CDH18: variants seen among roughly 807,000 people sequenced by gnomAD.
The protein encoded by CDH18 is cadherin 18, also known as cadherin-18.
CDH18 carries 31 observed loss-of-function variants against 67.9 expected under a neutral mutation model. The observed-to-expected ratio is 0.46, with a 90% confidence interval of 0.34 to 0.62. The LOEUF is 0.62. CDH18 is among the 20% of genes least tolerant of loss of function. The probability of loss-of-function intolerance (pLI) is 0.01; values close to 1 mark genes in which losing one functional copy is unlikely to be tolerated. For synonymous variants in CDH18, 362 were observed against 347.2 expected (o/e 1.04, Z -0.48); for missense variants, 890 against 975.5 (o/e 0.91, Z 1.17).
At chr5:19,690,984 A>G (rs553964723) in intron 5 of CDH18, among the ~76,000 whole-genome samples, 10 of 152,016 alleles carry the variant, frequency 6.6e-5, no homozygotes, top group African/African-American at 2.4e-4. Context: ...CAAAAGCTAC[A>G]GGTTAATATC....
At chr5:19,919,998 C>T (rs1792253317) in intron 2 of CDH18, among the ~76,000 whole-genome samples, 1 of 152,024 alleles carries the variant, frequency 6.6e-6, no homozygotes, top group Non-Finnish European at 1.5e-5. Flanking sequence ...AGACCAAGGC[C>T]TAATAAATTG....
intron 2 of CDH18, among the ~76,000 whole-genome samples, chr5:20,186,380 C>A (rs1342120668): frequency 2.0e-5 from 3 of 151,838 alleles, no homozygotes; most frequent in African/African-American, 7.2e-5. Context: ...TTGCAAATCC[C>A]ATATCTGGCA....
At chr5:19,857,594 G>A (rs1005860344) in intron 2 of CDH18, among the ~76,000 whole-genome samples, 5 of 152,112 alleles carry the variant, frequency 3.3e-5, no homozygotes, top group Admixed American at 6.6e-5. Context: ...GACTAGTAGG[G>A]AAGTAGCATT....
chr5:19,570,156 A>C (rs935060756), intron 8 of CDH18, among the ~76,000 whole-genome samples: 8 of 152,092 alleles, frequency 5.3e-5, no homozygotes, highest in African/African-American at 1.9e-4. Context: ...GTTTGGGGTC[A>C]AAAGTATAAT....
At chr5:19,932,763 T>A (rs928779079) in intron 2 of CDH18, among the ~76,000 whole-genome samples, 6 of 151,684 alleles carry the variant, frequency 4.0e-5, no homozygotes, top group South Asian at 2.1e-4. Flanking sequence ...TGCCTAATTA[T>A]TAAAAATATT....
At chr5:19,537,780 C>G (rs746270053) in intron 9 of CDH18, among the ~76,000 whole-genome samples, 3 of 152,114 alleles carry the variant, frequency 2.0e-5, no homozygotes, top group African/African-American at 7.2e-5. Flanking sequence ...GCCTCAAAGG[C>G]AAAATAATAT....
At chr5:20,177,110 A>G (rs1168835885) in intron 2 of CDH18, among the ~76,000 whole-genome samples, 2 of 152,156 alleles carry the variant, frequency 1.3e-5, no homozygotes, top group Non-Finnish European at 2.9e-5. Context: ...GATGCAGATG[A>G]TGAATAATAT....
intron 7 of CDH18, among the ~76,000 whole-genome samples, chr5:19,586,608 T>G (rs545790965): frequency 6.6e-6 from 1 of 152,328 alleles, no homozygotes; most frequent in African/African-American, 2.4e-5. Flanking sequence ...TAGTCTATCA[T>G]TGATGAACAT....
chr5:20,304,336 T>C, intron 1 of CDH18: 1 of 1,533,508 alleles, frequency 6.5e-7, no homozygotes, highest in East Asian at 2.2e-5. Context: ...TCTCTTTAAA[T>C]TCATTATCTT....
At chr5:19,552,251 T>C (rs1010220347) in intron 8 of CDH18, among the ~76,000 whole-genome samples, 7 of 152,236 alleles carry the variant, frequency 4.6e-5, no homozygotes, top group Non-Finnish European at 1.0e-4. Context: ...GTTGGCTTAT[T>C]CCCTCTTTCA....
At chr5:19,807,661 C>T (rs964291858) in intron 3 of CDH18, among the ~76,000 whole-genome samples, 4 of 152,144 alleles carry the variant, frequency 2.6e-5, no homozygotes, top group Admixed American at 1.3e-4. Context: ...TGTTAATTCT[C>T]CACCACGAAC....
chr5:20,151,285 A>G (rs955498816), intron 2 of CDH18, among the ~76,000 whole-genome samples: 2 of 152,148 alleles, frequency 1.3e-5, no homozygotes, highest in African/African-American at 4.8e-5. Flanking sequence ...AAGAGCTTCC[A>G]GCTCCATCCA....
intron 2 of CDH18, among the ~76,000 whole-genome samples, chr5:19,917,307 C>T (rs1312921217): frequency 6.6e-6 from 1 of 151,962 alleles, no homozygotes. Flanking sequence ...GGCTTCCTTA[C>T]GTTCTCCTCC....
At chr5:19,674,633 C>CG (rs1759218409) in intron 5 of CDH18, among the ~76,000 whole-genome samples, 1 of 152,072 alleles carries the variant, frequency 6.6e-6, no homozygotes, top group Admixed American at 6.6e-5. Flanking sequence ...GATGTGTCAA[C>CG]TATTAATATG....
At chr5:19,604,914 T>C (rs972034502) in intron 6 of CDH18, among the ~76,000 whole-genome samples, 2 of 151,996 alleles carry the variant, frequency 1.3e-5, no homozygotes, top group African/African-American at 4.8e-5. Flanking sequence ...TAATCATAAA[T>C]AACACATAAA....
intron 1 of CDH18, among the ~76,000 whole-genome samples, chr5:20,361,396 T>C (rs1742076405): frequency 6.6e-6 from 1 of 152,114 alleles, no homozygotes; most frequent in Admixed American, 6.6e-5. Context: ...ATCTTTTAAT[T>C]AATAAGATAT....
chr5:19,578,999 T>C (rs1309261015), intron 7 of CDH18, among the ~76,000 whole-genome samples: 2 of 152,072 alleles, frequency 1.3e-5, no homozygotes, highest in Non-Finnish European at 2.9e-5. Flanking sequence ...ATACGTAATA[T>C]TTAGTCAGTT....
At chr5:20,371,456 TGGCAAGATG>T (rs1308031279) in intron 1 of CDH18, among the ~76,000 whole-genome samples, 2 of 152,192 alleles carry the variant, frequency 1.3e-5, no homozygotes, top group African/African-American at 4.8e-5. Flanking sequence ...TCTTTGGATT[TGGCAAGATG>T]GAACATGACA....
chr5:19,816,461 C>A (rs568262678), intron 3 of CDH18, among the ~76,000 whole-genome samples: 13 of 151,780 alleles, frequency 8.6e-5, no homozygotes, highest in Non-Finnish European at 1.8e-4. Context: ...TTTGCTTTAG[C>A]AAAACAGACA....
Sources: gnomAD v4.1 joint callset for allele counts (sites outside exome capture counted in the v4.1 genomes callset) on GRCh38, gnomAD v4.1.1 for gene constraint, MANE v1.5 for transcripts, NCBI Gene and HGNC (gene_info 2026-07-23, HGNC 2026-07-21) for gene names.